The following TMEM266 variants were observed in gnomAD, a reference collection of about 807,000 sequenced individuals.
TMEM266 encodes transmembrane protein 266, also known as Hv1 related protein 1.
In TMEM266, 33 loss-of-function variants were observed where a neutral mutation model predicts 50.5. The ratio of observed to expected loss-of-function variants is 0.65; its 90% CI spans 0.50 to 0.87. TMEM266 has a LOEUF of 0.87. Ranked by LOEUF, TMEM266 falls within the 40% of genes least tolerant of loss-of-function variation. The pLI is 0.00. For synonymous variants in TMEM266, 310 were observed against 292.3 expected (o/e 1.06, Z -0.62); for missense variants, 655 against 695.1 (o/e 0.94, Z 0.65).
At chr15:76,144,470 T>C (rs2037727499) in intron 3 of TMEM266, among the ~76,000 whole-genome samples, 1 of 152,148 alleles carries the variant, frequency 6.6e-6, no homozygotes, top group Admixed American at 6.5e-5. Flanking sequence ...GGAGTGCCAG[T>C]ACCAAGTCAA....
chr15:76,203,245 C>G (rs1232792993), intron 10 of TMEM266, among the ~76,000 whole-genome samples: 1 of 152,068 alleles, frequency 6.6e-6, no homozygotes, highest in East Asian at 1.9e-4. Context: ...CCCTGGCACA[C>G]CAAGTTTCCT....
In TMEM266 at chr15:76,114,412, C is replaced by T. The variant is rs191060147; in HGVS notation, c.-96-19756C>T. Reference sequence around the variant, plus strand: ...GTACACGCCTGAGGTTCTACCTACTCGGGAGGCTGAGGCAGGAGGATCACT... The same window carrying T: ...GTACACGCCTGAGGTTCTACCTACTTGGGAGGCTGAGGCAGGAGGATCACT... On this transcript the variant is annotated intron_variant, in intron 1 of 10. Transcript: ENST00000388942. Among the ~76,000 whole-genome samples, 38 of 152,140 alleles carry T rather than the reference C, an allele frequency of 2.5e-4. No homozygotes were observed. In the East Asian group the frequency reaches 6.8e-3, roughly 27 times the overall value.
chr15:76,201,567 C>A (rs534007610), intron 9 of TMEM266, among the ~76,000 whole-genome samples: 1 of 152,222 alleles, frequency 6.6e-6, no homozygotes, highest in Admixed American at 6.5e-5. Flanking sequence ...CCTGTTCCCA[C>A]CCCCCTTGAC....
At chr15:76,194,601 G>A (rs2038627901) in intron 9 of TMEM266, among the ~76,000 whole-genome samples, 1 of 152,174 alleles carries the variant, frequency 6.6e-6, no homozygotes, top group Non-Finnish European at 1.5e-5. Flanking sequence ...CTGAGATCAA[G>A]GTTGGGCACG....
chr15:76,116,555 C>G (rs2037249800), intron 1 of TMEM266, among the ~76,000 whole-genome samples: 1 of 152,040 alleles, frequency 6.6e-6, no homozygotes, highest in Non-Finnish European at 1.5e-5. Flanking sequence ...CTGCACCCAT[C>G]CGGAGTGGGG....
intron 8 of TMEM266, among the ~76,000 whole-genome samples, chr15:76,185,772 G>A (rs1334009936): frequency 6.6e-6 from 1 of 152,182 alleles, no homozygotes; most frequent in East Asian, 1.9e-4. Context: ...GGGGCATTTT[G>A]GCAGGGAGTA....
chr15:76,135,540 T>C (rs1294764918), intron 2 of TMEM266, among the ~76,000 whole-genome samples: 1 of 152,228 alleles, frequency 6.6e-6, no homozygotes, highest in East Asian at 1.9e-4. Context: ...CCTTGAGTAG[T>C]CCAGAAGAAA....
chr15:76,100,469 C>G (rs1317701847), intron 1 of TMEM266, among the ~76,000 whole-genome samples: 2 of 152,224 alleles, frequency 1.3e-5, no homozygotes, highest in Admixed American at 6.5e-5. Context: ...TTAGAACCCA[C>G]TACTTCTGAC....
Position 76,204,208 on chromosome 15 carries a change from C to T in TMEM266, c.1489C>T (p.Gln497Ter), listed in dbSNP as rs766523878. The T allele has an allele frequency of 6.2e-7, 1 of 1,614,002 alleles. No individual in the cohort carries two copies. The change falls in exon 11 of 11, where the codon CAG becomes TAG. Residue 497 changes from glutamine to a stop codon, truncating the protein, a stop_gained. Coordinates refer to ENST00000388942, the MANE Select transcript of TMEM266 (RefSeq NM_152335.3). LOFTEE classifies it high-confidence loss of function. ...VFQIRPVIHFQPTVPMLEDKF... is the reference protein window; with the variant it reads ...VFQIRPVIHF Reference sequence around the variant, plus strand: ...GAACCAGGAGGGCTTCACTGTCTTTCAGATCAGGCCTGTCATCCACTTCCA... The same window carrying T: ...GAACCAGGAGGGCTTCACTGTCTTTTAGATCAGGCCTGTCATCCACTTCCA...
Position 76,203,817 on chromosome 15 carries a change from G to C in TMEM266, c.1098G>C (p.Ser366=). Residue 366 remains serine (S), a synonymous_variant, in exon 11 of 11, where the codon TCG becomes TCC. Coordinates refer to ENST00000388942, the MANE Select transcript of TMEM266 (RefSeq NM_152335.3). ...ACATTCACCAGCCCAACATCTCCTC[G>C]GACCTCTTCTCTCTGGACATGCCCC... 1 of 1,614,178 alleles carries C rather than the reference G, an allele frequency of 6.2e-7. No individual in the cohort carries two copies. Among genetic ancestry groups the C allele is most frequent in the Non-Finnish European group, 8.5e-7 (1 of 1,180,022 alleles).
At chr15:76,086,227 G>T (rs2036775136) in intron 1 of TMEM266, among the ~76,000 whole-genome samples, 1 of 152,138 alleles carries the variant, frequency 6.6e-6, no homozygotes, top group South Asian at 2.1e-4. Context: ...CAATAACCTA[G>T]ATGAGTCTCA....
chr15:76,192,260 T>A, intron 9 of TMEM266, 103 bp downstream of exon 9: 1 of 1,110,608 alleles, frequency 9.0e-7, no homozygotes, highest in Non-Finnish European at 1.2e-6. Context: ...GGGGTTCCTT[T>A]CAGGTGTGTG....
At chr15:76,162,782 C>T (rs2038038134) in intron 5 of TMEM266, among the ~76,000 whole-genome samples, 1 of 152,226 alleles carries the variant, frequency 6.6e-6, no homozygotes, top group African/African-American at 2.4e-5. Flanking sequence ...AGTGATCACT[C>T]AGACCACAGA....
chr15:76,176,367 G>C (rs1314745541), intron 8 of TMEM266: 1 of 152,676 alleles, frequency 6.5e-6, no homozygotes, highest in Non-Finnish European at 1.5e-5. Context: ...GTTCAGAGGA[G>C]GGGGATTGGG....
chr15:76,188,982 C>T (rs887772017), intron 8 of TMEM266, among the ~76,000 whole-genome samples: 1 of 152,118 alleles, frequency 6.6e-6, no homozygotes, highest in Admixed American at 6.5e-5. Flanking sequence ...AAGTTTGAGA[C>T]CAGTCTGGGC....
chr15:76,144,820 C>T (rs1021672707), intron 3 of TMEM266, among the ~76,000 whole-genome samples: 1 of 152,178 alleles, frequency 6.6e-6, no homozygotes, highest in Non-Finnish European at 1.5e-5. Flanking sequence ...AGAAGGGGAA[C>T]AGGGGAGGTA....
At chr15:76,063,415 TCTG>T (rs985755986) in intron 1 of TMEM266, among the ~76,000 whole-genome samples, 2 of 152,206 alleles carry the variant, frequency 1.3e-5, no homozygotes, top group African/African-American at 4.8e-5. Flanking sequence ...CCCATCCTAT[TCTG>T]CTCCATCCAC....
chr15:76,065,164 CAAAG>C (rs2036389932), intron 1 of TMEM266, among the ~76,000 whole-genome samples: 1 of 152,122 alleles, frequency 6.6e-6, no homozygotes, highest in Non-Finnish European at 1.5e-5. Flanking sequence ...AATTCCTCAA[CAAAG>C]AAAAAGTTCC....
rs1426052807 is a variant in TMEM266 at position 76,160,006 on chromosome 15, C to T, written c.383-89C>T. 2 of 1,315,076 alleles carry T rather than the reference C, an allele frequency of 1.5e-6. No individual in the cohort carries two copies. Among genetic ancestry groups the T allele is most frequent in the African/African-American group, 1.5e-5 (1 of 68,410 alleles). The allele number at this position is 1,315,076 out of a possible 1,614,324, so 81.5% of individuals were successfully genotyped here. A position where few individuals can be genotyped will look rare whatever the true frequency, so the allele number is the denominator to read the frequency against. On this transcript the variant is annotated intron_variant, in intron 4 of 10. Transcript: ENST00000388942. This position sits in a 1 kb window ranked among gnomAD's most constrained non-coding sequence, Gnocchi z 5.7. ...GTTCATGCAGGCGGGCCCCGGGGTC[C>T]CAGAGGTCTGGACGGATGCTGCGAA...
Sources: gnomAD v4.1 joint callset for allele counts (sites outside exome capture counted in the v4.1 genomes callset) on GRCh38, gnomAD v4.1.1 for gene constraint, Gnocchi (gnomAD v3.1) non-coding constraint, MANE v1.5 for transcripts, NCBI Gene and HGNC (gene_info 2026-07-23, HGNC 2026-07-21) for gene names.